The following ATP13A2 variants were observed in gnomAD, a reference collection of about 807,000 sequenced individuals.
ATP13A2 encodes the protein ATPase cation transporting 13A2.
Under a neutral mutation model 138.3 loss-of-function variants are expected in ATP13A2, and 83 were observed. That is an observed-to-expected ratio of 0.60 (90% CI 0.50 to 0.72). The LOEUF is 0.72. ATP13A2 is among the 30% of genes least tolerant of loss of function. The pLI is 0.00. For missense variants in ATP13A2, 1,402 were observed against 1,606.4 expected, an observed-to-expected ratio of 0.87 and a Z score of 2.17; for synonymous variants, 663 against 699.0, an observed-to-expected ratio of 0.95 and a Z score of 0.81.
Position 16,986,588 on chromosome 1 carries a change from C to A in ATP13A2, c.3280G>T (p.Gly1094Cys). 1 of 1,611,580 alleles carries A rather than the reference C, an allele frequency of 6.2e-7. No homozygotes were observed. Among genetic ancestry groups the A allele is most frequent in the Non-Finnish European group, 8.5e-7 (1 of 1,179,702 alleles). Residue 1094 changes from glycine (G) to cysteine (C), a missense_variant, in exon 28 of 29, where the codon GGC (glycine) becomes TGC (cysteine). Transcript: ENST00000326735. The surrounding 1 kb of genome is among the most constrained non-coding windows in gnomAD (Gnocchi z 6.9). ...ALALLSSVLV[G>C]LVLVPGLLQG... Reference sequence around the variant, plus strand: ...AGGAGGCCGGGGACCAGGACAAGGCCCACCAGGACGGAGCTCAGGAGCGCC... The same window carrying A: ...AGGAGGCCGGGGACCAGGACAAGGCACACCAGGACGGAGCTCAGGAGCGCC...
intron 19 of ATP13A2, 68 bp from the exon 20 acceptor site, chr1:16,991,926 A>G (rs1401081908): frequency 6.2e-7 from 1 of 1,612,516 alleles, no homozygotes; most frequent in East Asian, 2.2e-5. Context: ...GCCACCAGGC[A>G]GGGCATCTTC....
intron 15 of ATP13A2, among the ~76,000 whole-genome samples, chr1:16,994,117 T>C (rs1303890331): frequency 6.6e-6 from 1 of 152,112 alleles, no homozygotes; most frequent in Admixed American, 6.5e-5. Flanking sequence ...TCTGGGCTCC[T>C]ACCCATGGCC....
At chr1:17,009,251 A>T (rs1414088906) in intron 1 of ATP13A2, among the ~76,000 whole-genome samples, 1 of 152,130 alleles carries the variant, frequency 6.6e-6, no homozygotes, top group Non-Finnish European at 1.5e-5. Flanking sequence ...TACTGCTCAC[A>T]GTACCTGCCA....
At chr1:17,008,957 CAAAA>C (rs59927720) in intron 1 of ATP13A2, among the ~76,000 whole-genome samples, 1 of 111,696 alleles carries the variant, frequency 9.0e-6, no homozygotes, top group Non-Finnish European at 1.9e-5. Flanking sequence ...GAGCAAGACT[CAAAA>C]AAAAAAAAAA....
Position 16,992,301 on chromosome 1 carries a change from G to A in ATP13A2, c.1947C>T (p.Pro649=), listed in dbSNP as rs369722835. 23 of 1,612,220 alleles carry A rather than the reference G, an allele frequency of 1.4e-5. No individual in the cohort carries two copies. Among genetic ancestry groups the A allele is most frequent in the African/African-American group, 4.0e-5 (3 of 74,940 alleles). The change falls in exon 18 of 29, where the codon CCC becomes CCT. Residue 649 remains proline, a synonymous_variant. Transcript: ENST00000326735. ...VVVAWPGATQ[P]EAYVKGSPEL... ...CCGGGGAGCCTTTGACGTAGGCCTC[G>A]GGCTGAGTGGCCCCTGGCCACGCCA...
intron 8 of ATP13A2, among the ~76,000 whole-genome samples, chr1:17,001,439 AC>A (rs2077353852): frequency 6.6e-6 from 1 of 152,050 alleles, no homozygotes; most frequent in East Asian, 1.9e-4. Context: ...AAAAAAAAAA[AC>A]AACAAACAAA....
In ATP13A2 at chr1:16,986,229, G is replaced by A; in HGVS notation, c.3535C>T (p.Leu1179=). ...GTGCCCGTGGGCCTGCACTACCTCA[G>A]GGGGCCGGCGGGCAGCGGCGGCCAG... ...QPWPPLPAGP[L]R is the part of the protein sequence containing the mutation. The change falls in exon 29 of 29, where the codon CTG becomes TTG. Residue 1179 remains leucine (L), a synonymous_variant. Transcript: ENST00000326735. The surrounding 1 kb of genome is among the most constrained non-coding windows in gnomAD (Gnocchi z 6.9). The A allele has an allele frequency of 6.2e-7, 1 of 1,611,788 alleles. No individual in the cohort carries two copies. Among genetic ancestry groups the A allele is most frequent in the Non-Finnish European group, 8.5e-7 (1 of 1,179,340 alleles).
Position 16,985,978 on chromosome 1 carries a change from T to TA in ATP13A2, c.*242_*243insT. The TA allele has an allele frequency of 6.9e-7, 1 of 1,442,190 alleles. No individual in the cohort carries two copies. 89.3% of individuals were successfully genotyped at this position (1,442,190 alleles called of 1,614,324 possible). ...GCAGAGCCAGGAAAATATCATGACT[T>TA]TATTTGCTACACTGACAGCAGCACT... On this transcript the variant is annotated 3_prime_UTR_variant, in exon 29 of 29. Coordinates refer to ENST00000326735, the MANE Select transcript of ATP13A2 (RefSeq NM_022089.4).
At chr1:17,006,924 T>C (rs1387728429) in intron 1 of ATP13A2, among the ~76,000 whole-genome samples, 1 of 152,094 alleles carries the variant, frequency 6.6e-6, no homozygotes, top group African/African-American at 2.4e-5. Context: ...GAAGTCTTGC[T>C]CTGTCGCCCA....
intron 11 of ATP13A2, among the ~76,000 whole-genome samples, chr1:16,997,697 C>T (rs1188139508): frequency 4.0e-5 from 6 of 151,814 alleles, no homozygotes; most frequent in African/African-American, 9.7e-5. Context: ...AAAAATTAGC[C>T]GGGTGTTGTG....
At chr1:16,999,913 A>G in intron 11 of ATP13A2, 98 bp downstream of exon 11, 1 of 1,449,408 alleles carries the variant, frequency 6.9e-7, no homozygotes, top group Non-Finnish European at 9.1e-7. Flanking sequence ...AAAAAAACAA[A>G]AAAGGAAAAG....
rs1193942316 is a variant in ATP13A2, at chr1:16,991,861, G to A, written c.2127-3C>T. Reference sequence around the variant, plus strand: ...TCAGGTCTCCTTCCACAGTGTCCCTGGAGGGTGGGCAGACCTGGATCAGAG... The same window carrying A: ...TCAGGTCTCCTTCCACAGTGTCCCTAGAGGGTGGGCAGACCTGGATCAGAG... On this transcript the variant is annotated splice_region_variant and splice_polypyrimidine_tract_variant and intron_variant, in intron 19 of 28. Transcript: ENST00000326735. 3 of 1,614,104 alleles carry A rather than the reference G, an allele frequency of 1.9e-6. No individual in the cohort carries two copies. In the Admixed American group the frequency reaches 5.0e-5, roughly 27 times the overall value.
rs181905461 is a variant in ATP13A2 at position 17,011,294 on chromosome 1, A to T, written c.10+435T>A. Among the ~76,000 whole-genome samples, 2 of 152,100 alleles carry T rather than the reference A, an allele frequency of 1.3e-5. 1 individual carries two copies. Among genetic ancestry groups the T allele is most frequent in the Admixed American group, 1.3e-4 (2 of 15,288 alleles). ...ATGGAGTCCCGACTCCCCCAACGCC[A>T]TTCATTCATTCATTCAGCCCAGAGG... On this transcript the variant is annotated intron_variant, in intron 1 of 28. Coordinates refer to ENST00000326735, the MANE Select transcript of ATP13A2 (RefSeq NM_022089.4). This position sits in a 1 kb window ranked among gnomAD's most constrained non-coding sequence, Gnocchi z 7.3.
chr1:16,990,318 A>C (rs1278937472), intron 20 of ATP13A2, 31 bp from the exon 21 acceptor site: 4 of 1,613,066 alleles, frequency 2.5e-6, no homozygotes, highest in Non-Finnish European at 3.4e-6. Context: ...TGAGGGTCTG[A>C]GGCTATCCGG....
rs2077157168 is a variant in ATP13A2 at position 16,997,094 on chromosome 1, AGTGTGTGCCGCCG to A, written c.1108_1120del (p.Arg370SerfsTer22). The A allele has an allele frequency of 6.2e-7, 1 of 1,613,656 alleles. No individual in the cohort carries two copies. The highest frequency in any genetic ancestry group is 8.5e-7 in the Non-Finnish European group (1 of 1,180,002). The stretch of plus-strand genomic sequence containing the variant: ...CTGCAAGATGAGGGTCCCGCAGAAG[AGTGTGTGCCGCCG>A]GTGTGTCTCTGCACAGTAGGGCCCC... On this transcript the variant is annotated frameshift_variant, in exon 12 of 29. Transcript: ENST00000326735. LOFTEE classifies it high-confidence loss of function.
intron 6 of ATP13A2, among the ~76,000 whole-genome samples, chr1:17,003,673 T>C (rs1304269676): frequency 6.6e-6 from 1 of 150,684 alleles, no homozygotes; most frequent in African/African-American, 2.4e-5. Flanking sequence ...TTTCTTTTTT[T>C]TTTTTTTTGA....
chr1:16,995,767 TG>T lies in ATP13A2; in HGVS notation c.1542+208del, dbSNP rs2077096262. The T allele has an allele frequency of 1.4e-6, 1 of 719,314 alleles. No individual in the cohort carries two copies. The highest frequency in any genetic ancestry group is 1.6e-5 in the South Asian group (1 of 63,724). 44.6% of individuals were successfully genotyped at this position (719,314 alleles called of 1,614,324 possible). ...GGCCCCCCACCAGTTCTTGAACACA[TG>T]AATACATGATTCTAGACATTTCATC... On this transcript the variant is annotated intron_variant, in intron 15 of 28. Coordinates refer to ENST00000326735, the MANE Select transcript of ATP13A2 (RefSeq NM_022089.4). The surrounding 1 kb of genome is among the most constrained non-coding windows in gnomAD (Gnocchi z 4.1).
rs2077097719 is a variant in ATP13A2, at chr1:16,995,810, C to T, written c.1542+166G>A. ...CATTTCATCTGCCAGACCGTGAGCCCAGTGAGGGCAGGAGTGGGATGGGGT... is the reference window on the plus strand; with the variant it reads ...CATTTCATCTGCCAGACCGTGAGCCTAGTGAGGGCAGGAGTGGGATGGGGT... On this transcript the variant is annotated intron_variant, in intron 15 of 28. Coordinates refer to ENST00000326735, the MANE Select transcript of ATP13A2 (RefSeq NM_022089.4). The surrounding 1 kb of genome is among the most constrained non-coding windows in gnomAD (Gnocchi z 4.1). 1.2e-6 allele frequency: 1 copy of T among 831,536 alleles called. No individual in the cohort carries two copies. Among genetic ancestry groups the T allele is most frequent in the Non-Finnish European group, 2.0e-6 (1 of 504,346 alleles). The allele number at this position is 831,536 out of a possible 1,614,324, so 51.5% of individuals were successfully genotyped here. A position where few individuals can be genotyped will look rare whatever the true frequency, so the allele number is the denominator to read the frequency against.
chr1:17,005,315 C>T, intron 3 of ATP13A2, 59 bp downstream of exon 3: 1 of 1,552,188 alleles, frequency 6.4e-7, no homozygotes, highest in South Asian at 1.2e-5. Context: ...AAGCATCCTC[C>T]ACCCCCGACC....
Sources: gnomAD v4.1 joint callset for allele counts (sites outside exome capture counted in the v4.1 genomes callset) on GRCh38, gnomAD v4.1.1 for gene constraint, Gnocchi (gnomAD v3.1) non-coding constraint, MANE v1.5 for transcripts, NCBI Gene and HGNC (gene_info 2026-07-23, HGNC 2026-07-21) for gene names.